The following GNAQ variants were observed in gnomAD, a reference collection of about 807,000 sequenced individuals.
GNAQ encodes G protein subunit alpha q.
Under a neutral mutation model 43.9 loss-of-function variants are expected in GNAQ, and 8 were observed. That is an observed-to-expected ratio of 0.18 (90% CI 0.11 to 0.33). The LOEUF (loss-of-function observed/expected upper bound fraction) is 0.33. Among genes scored for constraint, GNAQ ranks in the 10% least tolerant of loss-of-function variants. GNAQ has a pLI of 1.00. For synonymous variants in GNAQ, 155 were observed against 170.7 expected (o/e 0.91, Z 0.71); for missense variants, 158 against 450.8 (o/e 0.35, Z 5.88).
intron 1 of GNAQ, among the ~76,000 whole-genome samples, chr9:78,021,990 T>C (rs1287775972): frequency 6.6e-6 from 1 of 152,152 alleles, no homozygotes; most frequent in Non-Finnish European, 1.5e-5. Flanking sequence ...AGGTTTCTGA[T>C]ACCATTTCTT....
chr9:77,805,443 C>T lies in GNAQ; in HGVS notation c.477-7795G>A, dbSNP rs138839263. On this transcript the variant is annotated intron_variant, in intron 3 of 6. Coordinates refer to ENST00000286548, the MANE Select transcript of GNAQ (RefSeq NM_002072.5). ...TTTTTGAGATGGAGTCTCGCTCTGTCGCCCAGGCTGGAGTGCAATGGCATG... is the reference window on the plus strand; with the variant it reads ...TTTTTGAGATGGAGTCTCGCTCTGTTGCCCAGGCTGGAGTGCAATGGCATG... Among the ~76,000 whole-genome samples, 11 of 151,718 alleles carry T rather than the reference C, an allele frequency of 7.3e-5. No individual in the cohort carries two copies. In the East Asian group the frequency reaches 1.7e-3, roughly 24 times the overall value.
intron 1 of GNAQ, among the ~76,000 whole-genome samples, chr9:77,972,633 T>C (rs920685815): frequency 6.6e-6 from 1 of 152,092 alleles, no homozygotes; most frequent in African/African-American, 2.4e-5. Flanking sequence ...ACAGGAAACG[T>C]AGGACCCATA....
At chr9:77,878,071 G>A (rs1828153122) in intron 2 of GNAQ, among the ~76,000 whole-genome samples, 1 of 152,114 alleles carries the variant, frequency 6.6e-6, no homozygotes, top group Non-Finnish European at 1.5e-5. Context: ...CATTCTGCTG[G>A]CAACTGGCAG....
chr9:77,761,608 C>T (rs1253315676), intron 5 of GNAQ, among the ~76,000 whole-genome samples: 24 of 136,202 alleles, frequency 1.8e-4, no homozygotes, highest in African/African-American at 5.8e-4. Context: ...CGCCTCTGCC[C>T]GGCTGCCCCT....
chr9:77,860,677 C>T (rs73453753), intron 2 of GNAQ, among the ~76,000 whole-genome samples: 14,011 of 152,160 alleles, frequency 0.092, 785 homozygotes, highest in South Asian at 0.18. Context: ...AGTGCTAGTT[C>T]GCCCGCAGCT....
At chr9:77,731,998 C>T (rs1483555997) in intron 5 of GNAQ, among the ~76,000 whole-genome samples, 2 of 152,122 alleles carry the variant, frequency 1.3e-5, no homozygotes, top group African/African-American at 4.8e-5. Context: ...AACCGACATG[C>T]TCTGTTATCA....
chr9:77,828,412 A>T (rs1483577512), intron 2 of GNAQ, among the ~76,000 whole-genome samples: 1 of 152,184 alleles, frequency 6.6e-6, no homozygotes, highest in Non-Finnish European at 1.5e-5. Flanking sequence ...TGTATGTAGT[A>T]GGGCCTCAGA....
chr9:77,948,096 G>T (rs2118367262), intron 1 of GNAQ, among the ~76,000 whole-genome samples: 1 of 152,242 alleles, frequency 6.6e-6, no homozygotes, highest in African/African-American at 2.4e-5. Flanking sequence ...ATTTATTTCT[G>T]AATATCTCCT....
chr9:77,938,947 T>C (rs1829273852), intron 1 of GNAQ, among the ~76,000 whole-genome samples: 1 of 152,184 alleles, frequency 6.6e-6, no homozygotes, highest in African/African-American at 2.4e-5. Flanking sequence ...CCAGTGGAAC[T>C]AGGCAGATGG....
chr9:77,750,350 A>G (rs1434252973), intron 5 of GNAQ, among the ~76,000 whole-genome samples: 1 of 152,222 alleles, frequency 6.6e-6, no homozygotes, highest in East Asian at 1.9e-4. Flanking sequence ...TGCCTCTTCC[A>G]TGCAGTTTTA....
chr9:77,875,726 A>T (rs1828114942), intron 2 of GNAQ, among the ~76,000 whole-genome samples: 2 of 152,200 alleles, frequency 1.3e-5, no homozygotes, highest in African/African-American at 4.8e-5. Flanking sequence ...ACCCAATGGG[A>T]ATTGCTCAAA....
At chr9:77,739,775 A>C (rs1825626287) in intron 5 of GNAQ, among the ~76,000 whole-genome samples, 1 of 152,188 alleles carries the variant, frequency 6.6e-6, no homozygotes, top group Non-Finnish European at 1.5e-5. Flanking sequence ...GCACTTGTCC[A>C]CTTTCTGATC....
intron 1 of GNAQ, among the ~76,000 whole-genome samples, chr9:77,959,353 A>G (rs900668964): frequency 3.3e-5 from 5 of 152,170 alleles, no homozygotes; most frequent in Non-Finnish European, 5.9e-5. Context: ...GTTTTCATAT[A>G]TAACTTTTAT....
intron 1 of GNAQ, among the ~76,000 whole-genome samples, chr9:77,960,146 C>T (rs2118415058): frequency 6.6e-6 from 1 of 152,200 alleles, no homozygotes; most frequent in African/African-American, 2.4e-5. Context: ...ATTCTATGCT[C>T]ACTGGAATCA....
rs532043587 is a variant in GNAQ at position 77,955,521 on chromosome 9, C to T, written c.137-33176G>A. Among the ~76,000 whole-genome samples, 9 of 152,218 alleles carry T rather than the reference C, an allele frequency of 5.9e-5. 1 individual carries two copies. In the South Asian group the frequency reaches 1.9e-3, roughly 32 times the overall value. Reference sequence around the variant, plus strand: ...GCATTTAAGCACTTTTTGTACATAACGCTATACTTTGTGTCTACTCCTATG... The same window carrying T: ...GCATTTAAGCACTTTTTGTACATAATGCTATACTTTGTGTCTACTCCTATG... On this transcript the variant is annotated intron_variant, in intron 1 of 6. Transcript: ENST00000286548.
At chr9:77,826,837 C>T (rs1176665765) in intron 2 of GNAQ, among the ~76,000 whole-genome samples, 2 of 152,216 alleles carry the variant, frequency 1.3e-5, no homozygotes, top group African/African-American at 4.8e-5. Context: ...TTGGTTTGTA[C>T]TTCAGATATG....
chr9:77,870,535 C>G (rs781659812), intron 2 of GNAQ, among the ~76,000 whole-genome samples: 8 of 151,702 alleles, frequency 5.3e-5, no homozygotes, highest in African/African-American at 7.3e-5. Context: ...ACCGTGTTAG[C>G]CAGGATGGTC....
At chr9:78,023,009 A>ATGC (rs1418467314) in intron 1 of GNAQ, among the ~76,000 whole-genome samples, 1 of 152,232 alleles carries the variant, frequency 6.6e-6, no homozygotes, top group Non-Finnish European at 1.5e-5. Context: ...AGTGAGGAAG[A>ATGC]TGCCTACACA....
intron 3 of GNAQ, among the ~76,000 whole-genome samples, chr9:77,808,100 A>G (rs931078332): frequency 2.0e-5 from 3 of 152,110 alleles, no homozygotes; most frequent in African/African-American, 7.2e-5. Context: ...TCAAAGTCCA[A>G]ATAAACGTCC....
Sources: gnomAD v4.1 joint callset for allele counts (sites outside exome capture counted in the v4.1 genomes callset) on GRCh38, gnomAD v4.1.1 for gene constraint, MANE v1.5 for transcripts, NCBI Gene and HGNC (gene_info 2026-07-23, HGNC 2026-07-21) for gene names.